Variants in F8 observed in about 807,000 individuals in gnomAD.
The protein encoded by F8 is antihemophilic factor.
A neutral mutation model predicts 140.6 loss-of-function variants in F8; 12 were observed. The ratio of observed to expected loss-of-function variants is 0.09; its 90% confidence interval spans 0.05 to 0.14. The LOEUF is 0.14. Among genes scored for constraint, F8 ranks in the 10% least tolerant of loss-of-function variants. The pLI, the probability that F8 is intolerant of heterozygous loss-of-function variation, is 1.00. For missense variants in F8, 1,354 were observed against 1,720.7 expected, an observed-to-expected ratio of 0.79 and a Z score of 3.77; for synonymous variants, 585 against 614.6, an observed-to-expected ratio of 0.95 and a Z score of 0.71.
intron 22 of F8, among the ~76,000 whole-genome samples, chrX:154,873,228 CTTTTT>C (rs1190861463): frequency 1.0e-5 from 1 of 96,914 alleles, no homozygotes. Context: ...GCAAAGCAAT[CTTTTT>C]TTTTTTTTTT....
chrX:154,900,028 G>C lies in F8; in HGVS notation c.6188-77C>G, dbSNP rs2073001869. On this transcript the variant is annotated intron_variant, in intron 20 of 25. Coordinates refer to ENST00000360256, the MANE Select transcript of F8 (RefSeq NM_000132.4). ...CACTTGAGAATAAAATTATTGTCTT[G>C]AGAAAGGTTAATCTAAGCTGTGGTG... is the stretch of plus-strand genomic sequence containing the variant. The C allele has an allele frequency of 3.2e-6, 3 of 923,644 alleles. No homozygotes were observed. The Admixed American group carries it at 7.4e-5, about 23-fold the overall frequency. 76.1% of individuals were successfully genotyped at this position (923,644 alleles called of 1,213,427 possible).
At chrX:154,922,527 T>C (rs1382975620) in intron 14 of F8, among the ~76,000 whole-genome samples, 1 of 112,210 alleles carries the variant, frequency 8.9e-6, no homozygotes, top group Admixed American at 9.5e-5. Context: ...GAAATAAATA[T>C]ATAATATTTC....
intron 25 of F8, among the ~76,000 whole-genome samples, chrX:154,857,105 C>T (rs2072656745): frequency 1.8e-5 from 2 of 112,069 alleles, no homozygotes; most frequent in Non-Finnish European, 3.8e-5. Context: ...GTGAGAAATC[C>T]TCCTGTAATC....
chrX:154,947,529 A>G (rs1450776890), intron 13 of F8, among the ~76,000 whole-genome samples, 169 bp downstream of exon 13: 1 of 111,741 alleles, frequency 8.9e-6, no homozygotes, highest in Non-Finnish European at 1.9e-5. Context: ...CAAACTGTTT[A>G]TTAGTTGCAA....
In F8 at chrX:154,931,604, C is replaced by A. The variant is rs782299650; in HGVS notation, c.2186G>T (p.Ser729Ile). 1 of 1,210,069 alleles carries A rather than the reference C, an allele frequency of 8.3e-7. No individual in the cohort carries two copies. Among genetic ancestry groups the A allele is most frequent in the Non-Finnish European group, 1.1e-6 (1 of 895,144 alleles). The change falls in exon 14 of 26, where the codon AGT becomes ATT. Residue 729 changes from serine (S) to isoleucine (I), a missense_variant. Transcript: ENST00000360256. ...RGMTALLKVS[S>I]CDKNTGDYYE... ...ATAATCACCAGTGTTCTTGTCACAA[C>A]TAGAAACCTTCAGTAAGGCGGTCAT...
Position 155,022,490 on chromosome X carries a change from G to A in F8, c.63C>T (p.Thr21=). Residue 21 remains threonine (T), a synonymous_variant, in exon 1 of 26, where the codon ACC becomes ACT. Coordinates refer to ENST00000360256, the MANE Select transcript of F8 (RefSeq NM_000132.4). ...CCACTGCACCCAGGTAGTATCTTCTGGTGGCACTAAAGCAGAATCGCAAAA... is the reference window on the plus strand; with the variant it reads ...CCACTGCACCCAGGTAGTATCTTCTAGTGGCACTAAAGCAGAATCGCAAAA... ...LCLLRFCFSA[T]RRYYLGAVEL... 3.3e-6 allele frequency: 4 copies of A among 1,211,090 alleles called. No individual in the cohort carries two copies. Among genetic ancestry groups the A allele is most frequent in the Non-Finnish European group, 4.5e-6 (4 of 895,249 alleles).
In F8 at chrX:154,904,935, G is replaced by C. The variant is rs782232777; in HGVS notation, c.5462C>G (p.Pro1821Arg). The change falls in exon 16 of 26, where the codon CCT (proline) becomes CGT (arginine). Residue 1821 changes from proline (P) to arginine (R), a missense_variant. This residue lies in a region of F8 where 316 missense variants were observed against 485.4 expected (regional missense o/e 0.65). Transcript: ENST00000360256. ...YEEDQRQGAEPRKNFVKPNET... is the reference protein window; with the variant it reads ...YEEDQRQGAERRKNFVKPNET... ...ATTAGGCTTGACAAAGTTTTTTCTA[G>C]GTTCTGCTCCTTGCCTCTGATCTTC... 1 of 1,209,842 alleles carries C rather than the reference G, an allele frequency of 8.3e-7. No homozygotes were observed. The highest frequency in any genetic ancestry group is 1.7e-5 in the African/African-American group (1 of 57,453).
At chrX:155,005,995 C>T (rs1267483951) in intron 1 of F8, among the ~76,000 whole-genome samples, 1 of 111,206 alleles carries the variant, frequency 9.0e-6, no homozygotes, top group Non-Finnish European at 1.9e-5. Context: ...GGATCCCCCT[C>T]CTATAAACTT....
chrX:154,947,021 C>G (rs1266101310), intron 13 of F8, among the ~76,000 whole-genome samples: 1 of 107,793 alleles, frequency 9.3e-6, no homozygotes, highest in Non-Finnish European at 1.9e-5. Flanking sequence ...GTCAGGAAAT[C>G]GAGACCATCC....
In F8 at chrX:154,987,308, G is replaced by A; in HGVS notation, c.602-3C>T. 1 of 1,202,400 alleles carries A rather than the reference G, an allele frequency of 8.3e-7. No individual in the cohort carries two copies. The highest frequency in any genetic ancestry group is 1.1e-6 in the Non-Finnish European group (1 of 887,388). ...TGTCTTTTCCTTGGCCAGACTCCCT[G>A]AAAAAGAAGTGAGAACATTTATCTT... On this transcript the variant is annotated splice_region_variant and splice_polypyrimidine_tract_variant and intron_variant, in intron 4 of 25. Coordinates refer to ENST00000360256, the MANE Select transcript of F8 (RefSeq NM_000132.4).
At chrX:154,954,696 C>T (rs923851908) in intron 11 of F8, among the ~76,000 whole-genome samples, 20 of 111,508 alleles carry the variant, frequency 1.8e-4, no homozygotes, top group Non-Finnish European at 1.9e-5. Flanking sequence ...ATGTATAAAC[C>T]TCATTTTTTA....
chrX:155,010,412 AAT>A (rs2073701093), intron 1 of F8, among the ~76,000 whole-genome samples: 1 of 111,956 alleles, frequency 8.9e-6, no homozygotes, highest in African/African-American at 3.3e-5. Context: ...GGGAACAGAT[AAT>A]ATAAAACTGA....
chrX:154,973,029 G>C (rs868951988), intron 6 of F8, among the ~76,000 whole-genome samples: 3 of 111,671 alleles, frequency 2.7e-5, no homozygotes, highest in Middle Eastern at 9.4e-3. Context: ...ACTTTCATAC[G>C]TGGTGAGAGA....
At chrX:154,943,004 G>T (rs2073278637) in intron 13 of F8, among the ~76,000 whole-genome samples, 1 of 110,764 alleles carries the variant, frequency 9.0e-6, no homozygotes, top group South Asian at 3.9e-4. Flanking sequence ...ATTTGGTATT[G>T]ATGGGACGTA....
At chrX:154,920,158 T>C (rs1557277431) in intron 14 of F8, 3 of 127,227 alleles carry the variant, frequency 2.4e-5, no homozygotes, top group Non-Finnish European at 5.0e-5. Flanking sequence ...ATATCAGTAA[T>C]AAAGAAGCAG....
rs782225842 is a variant in F8, at chrX:154,902,072, G to C, written c.6094C>G (p.Leu2032Val). The part of the protein sequence containing the change: ...GEHLHAGMST[L>V]FLVYSNKCQT... ...TCACTATTGCTGTACACCAGAAAAAGTGTGCTCATCCCAGCATGTAGATGC... is the reference window on the plus strand; with the variant it reads ...TCACTATTGCTGTACACCAGAAAAACTGTGCTCATCCCAGCATGTAGATGC... The change falls in exon 19 of 26, where the codon CTT becomes GTT. Residue 2032 changes from leucine to valine, a missense_variant. Transcript: ENST00000360256. The C allele has an allele frequency of 1.7e-6, 2 of 1,207,300 alleles. No homozygotes were observed. Among genetic ancestry groups the C allele is most frequent in the Non-Finnish European group, 2.2e-6 (2 of 891,399 alleles).
chrX:154,860,656 C>T lies in F8; in HGVS notation c.6724-48G>A, dbSNP rs186375692. 208 of 1,104,881 alleles carry T rather than the reference C, an allele frequency of 1.9e-4. 1 individual carries two copies. The East Asian group carries it at 5.7e-3, about 30-fold the overall frequency. The allele number at this position is 1,104,881 out of a possible 1,213,427, so 91.1% of individuals were successfully genotyped here. ...AGTAGCCTCTTGGTCACCATTTACTCCCAGAAATTCCCAAATCCCTCTTAA... is the reference window on the plus strand; with the variant it reads ...AGTAGCCTCTTGGTCACCATTTACTTCCAGAAATTCCCAAATCCCTCTTAA... On this transcript the variant is annotated intron_variant, in intron 24 of 25. Coordinates refer to ENST00000360256, the MANE Select transcript of F8 (RefSeq NM_000132.4).
intron 6 of F8, among the ~76,000 whole-genome samples, chrX:154,982,381 G>A (rs1348558247): frequency 9.9e-6 from 1 of 100,516 alleles, no homozygotes; most frequent in Non-Finnish European, 2.0e-5. Flanking sequence ...CCGGGGGGCA[G>A]AGCCTGCAGT....
chrX:154,968,100 T>C (rs1603435344), intron 7 of F8, among the ~76,000 whole-genome samples: 1 of 112,038 alleles, frequency 8.9e-6, no homozygotes, highest in Admixed American at 9.5e-5. Flanking sequence ...GGTTTGAATG[T>C]CTGTCCCCTC....
Sources: gnomAD v4.1 joint callset for allele counts (sites outside exome capture counted in the v4.1 genomes callset) on GRCh38, gnomAD v4.1.1 for gene constraint, gnomAD v4.1.1 regional missense constraint, MANE v1.5 for transcripts, NCBI Gene and HGNC (gene_info 2026-07-23, HGNC 2026-07-21) for gene names.